KIAA2012: variants seen among roughly 807,000 people sequenced by gnomAD.
KIAA2012 encodes the protein KIAA2012.
In KIAA2012, 125 loss-of-function variants were observed where a neutral mutation model predicts 150.6. The observed-to-expected ratio is 0.83, with a 90% CI of 0.72 to 0.96. KIAA2012 has a LOEUF of 0.96. KIAA2012 is among the 40% of genes least tolerant of loss of function. The pLI is 0.00. For synonymous variants in KIAA2012, 462 were observed against 504.7 expected, an observed-to-expected ratio of 0.92 and a Z score of 1.13; for missense variants, 1,219 against 1,354.9, an observed-to-expected ratio of 0.90 and a Z score of 1.57.
chr2:202,101,927 A>G (rs1559204397), intron 7 of KIAA2012, among the ~76,000 whole-genome samples: 2 of 152,080 alleles, frequency 1.3e-5, no homozygotes, highest in African/African-American at 2.4e-5. Flanking sequence ...TTTGAGTACT[A>G]AAAAGGAGAC....
In KIAA2012 at chr2:202,131,289, G is replaced by A. The variant is rs550389697; in HGVS notation, c.1831+6007G>A. On this transcript the variant is annotated intron_variant, in intron 12 of 23. Coordinates refer to ENST00000498697, the MANE Select transcript of KIAA2012 (RefSeq NM_001277372.4). ...CAAGTAGCTGGGATTACAGGCGCAC[G>A]CCACCACACCTGGCTAATTTTTTGT... Among the ~76,000 whole-genome samples the A allele has an allele frequency of 2.6e-5, 4 of 152,196 alleles. 1 individual carries two copies. The highest frequency in any genetic ancestry group is 3.9e-4 in the East Asian group (2 of 5,164).
Position 202,097,577 on chromosome 2 carries a change from G to A in KIAA2012, c.828G>A (p.Glu276=). The part of the protein sequence containing the change: ...QPWQEDETQA[E]DTSIENHLCL... ...GGCAGGAAGATGAAACGCAGGCAGAGGTACCATTTCTTTTTTTTTTTTTTT... is the reference window on the plus strand; with the variant it reads ...GGCAGGAAGATGAAACGCAGGCAGAAGTACCATTTCTTTTTTTTTTTTTTT... The change falls in exon 5 of 24, where the codon GAG becomes GAA. Residue 276 remains glutamate (E), a splice_region_variant and synonymous_variant. Coordinates refer to ENST00000498697, the MANE Select transcript of KIAA2012 (RefSeq NM_001277372.4). The A allele has an allele frequency of 6.5e-7, 1 of 1,531,022 alleles. No homozygotes were observed. The highest frequency in any genetic ancestry group is 2.2e-5 in the Admixed American group (1 of 45,808). The allele number at this position is 1,531,022 out of a possible 1,614,324, so 94.8% of individuals were successfully genotyped here.
chr2:202,110,234 C>T (rs1044717989), intron 10 of KIAA2012, among the ~76,000 whole-genome samples: 3 of 152,298 alleles, frequency 2.0e-5, no homozygotes, highest in East Asian at 3.9e-4. Flanking sequence ...CGGAAAGACC[C>T]TAATTTCTAG....
At chr2:202,093,929 A>T (rs1689798432) in intron 4 of KIAA2012, among the ~76,000 whole-genome samples, 1 of 152,222 alleles carries the variant, frequency 6.6e-6, no homozygotes, top group Non-Finnish European at 1.5e-5. Flanking sequence ...AGTAATAGGC[A>T]AAGACGAGAG....
At chr2:202,083,256 A>G (rs1451431052) in intron 2 of KIAA2012, among the ~76,000 whole-genome samples, 1 of 152,228 alleles carries the variant, frequency 6.6e-6, no homozygotes. Context: ...CAAAAATTAA[A>G]CCTGCAGAGA....
intron 22 of KIAA2012, among the ~76,000 whole-genome samples, 162 bp from the exon 23 acceptor site, chr2:202,202,267 A>C (rs1692544677): frequency 6.6e-6 from 1 of 152,176 alleles, no homozygotes; most frequent in Non-Finnish European, 1.5e-5. Flanking sequence ...CTTGTATGTA[A>C]ATTTACTAAA....
At chr2:202,092,844 C>T (rs1266166906) in intron 3 of KIAA2012, among the ~76,000 whole-genome samples, 186 bp from the exon 4 acceptor site, 1 of 152,174 alleles carries the variant, frequency 6.6e-6, no homozygotes, top group Non-Finnish European at 1.5e-5. Flanking sequence ...GCACCCAAGA[C>T]ACTAGATAGA....
chr2:202,183,534 TGTGCAGTGGTGCTCATTGGA>T (rs1285291224), intron 15 of KIAA2012, among the ~76,000 whole-genome samples: 2 of 139,634 alleles, frequency 1.4e-5, no homozygotes, highest in Admixed American at 1.6e-4. Context: ...GCTCCACTGG[TGTGCAGTGGTGCTCATTGGA>T]GTGCAGTGGT....
chr2:202,105,879 G>A lies in KIAA2012; in HGVS notation c.1443G>A (p.Val481=). The A allele has an allele frequency of 1.9e-6, 3 of 1,550,870 alleles. No homozygotes were observed. The highest frequency in any genetic ancestry group is 2.6e-6 in the Non-Finnish European group (3 of 1,147,056). The stretch of plus-strand genomic sequence containing the variant: ...GGGAGTTAACAGTGCATCTCCCAGT[G>A]GACGCGAGCAGGGACACACTCTCAC... ...TPWELTVHLP[V]DASRDTLSPQ... is the part of the protein sequence containing the mutation. The change falls in exon 9 of 24, where the codon GTG becomes GTA. Residue 481 remains valine (V), a synonymous_variant. Coordinates refer to ENST00000498697, the MANE Select transcript of KIAA2012 (RefSeq NM_001277372.4).
chr2:202,174,130 T>A (rs921550792), intron 15 of KIAA2012, among the ~76,000 whole-genome samples: 3 of 152,172 alleles, frequency 2.0e-5, no homozygotes, highest in Non-Finnish European at 2.9e-5. Flanking sequence ...CGCACCTGGC[T>A]AATTTTTTGT....
chr2:202,164,364 A>T (rs1261408256), intron 14 of KIAA2012, among the ~76,000 whole-genome samples: 2 of 152,162 alleles, frequency 1.3e-5, no homozygotes, highest in Non-Finnish European at 2.9e-5. Flanking sequence ...CAGCTGTATG[A>T]CTGTTATTAT....
At chr2:202,186,230 T>C (rs778946010) in intron 16 of KIAA2012, among the ~76,000 whole-genome samples, 7 of 151,956 alleles carry the variant, frequency 4.6e-5, no homozygotes, top group Non-Finnish European at 1.0e-4. Context: ...AGAGGGCATA[T>C]TGCCAGGCGT....
intron 16 of KIAA2012, 94 bp from the exon 17 acceptor site, chr2:202,186,839 C>T (rs559268709): frequency 5.6e-6 from 7 of 1,253,372 alleles, no homozygotes; most frequent in Non-Finnish European, 6.6e-6. Context: ...ACAGTGCCTG[C>T]AGAGAACAGG....
intron 2 of KIAA2012, among the ~76,000 whole-genome samples, chr2:202,083,927 AGAGTG>A (rs1351681292): frequency 2.0e-5 from 3 of 152,180 alleles, no homozygotes; most frequent in East Asian, 3.8e-4. Flanking sequence ...GGAAAAATCT[AGAGTG>A]GCTTCTTGGA....
intron 14 of KIAA2012, among the ~76,000 whole-genome samples, chr2:202,156,450 T>C (rs913990295): frequency 6.6e-6 from 1 of 152,168 alleles, no homozygotes; most frequent in African/African-American, 2.4e-5. Context: ...CTATCTACTA[T>C]GTGTTTGGCA....
intron 7 of KIAA2012, among the ~76,000 whole-genome samples, chr2:202,101,831 C>G (rs2105922253): frequency 6.6e-6 from 1 of 152,150 alleles, no homozygotes; most frequent in Non-Finnish European, 1.5e-5. Flanking sequence ...TAAATATTAC[C>G]CTGCATAGAT....
chr2:202,195,278 G>A (rs918606607), intron 21 of KIAA2012, among the ~76,000 whole-genome samples: 1 of 151,740 alleles, frequency 6.6e-6, no homozygotes, highest in Non-Finnish European at 1.5e-5. Flanking sequence ...AGCACTTTGG[G>A]AGGCCTAGGC....
At chr2:202,103,227 G>T (rs1256917690) in intron 8 of KIAA2012, 113 bp downstream of exon 8, 1 of 999,178 alleles carries the variant, frequency 1.0e-6, no homozygotes, top group Non-Finnish European at 1.4e-6. Flanking sequence ...CCCCTTCAGA[G>T]AATATTTTTT....
At chr2:202,118,616 C>G (rs1690583149) in intron 11 of KIAA2012, among the ~76,000 whole-genome samples, 1 of 152,116 alleles carries the variant, frequency 6.6e-6, no homozygotes, top group African/African-American at 2.4e-5. Context: ...TGGGCTGAAC[C>G]CTGACTAAAA....
Sources: gnomAD v4.1 joint callset for allele counts (sites outside exome capture counted in the v4.1 genomes callset) on GRCh38, gnomAD v4.1.1 for gene constraint, MANE v1.5 for transcripts, NCBI Gene and HGNC (gene_info 2026-07-23, HGNC 2026-07-21) for gene names.